The following CUX2 variants were observed in gnomAD, a reference collection of about 807,000 sequenced individuals.
CUX2 encodes cut like homeobox 2, also known as homeobox protein cut-like 2.
Under a neutral mutation model 144.8 loss-of-function variants are expected in CUX2, and 40 were observed. The ratio of observed to expected loss-of-function variants is 0.28; its 90% CI spans 0.21 to 0.36. The LOEUF is 0.36. Among genes scored for constraint, CUX2 ranks in the 10% least tolerant of loss-of-function variants. The pLI, the probability that CUX2 is intolerant of heterozygous loss-of-function variation, is 1.00. For synonymous variants in CUX2, 827 were observed against 875.6 expected (o/e 0.94, Z 0.98); for missense variants, 1,615 against 1,994.0 (o/e 0.81, Z 3.62).
In CUX2 at chr12:111,347,807, C is replaced by T. The variant is rs747954335; in HGVS notation, c.3943C>T (p.Pro1315Ser). ...EDAEEEAGSQ[P>S]QDSGELDKGQ... ...TGCTGAGGAAGAGGCAGGCAGCCAGCCCCAGGACTCAGGGGAGCTGGACAA... is the reference window on the plus strand; with the variant it reads ...TGCTGAGGAAGAGGCAGGCAGCCAGTCCCAGGACTCAGGGGAGCTGGACAA... The change falls in exon 22 of 22, where the codon CCC (proline) becomes TCC (serine). Residue 1315 changes from proline (P) to serine (S), a missense_variant. Transcript: ENST00000261726. 2.5e-6 allele frequency: 4 copies of T among 1,613,914 alleles called. No homozygotes were observed. Among genetic ancestry groups the T allele is most frequent in the African/African-American group, 1.3e-5 (1 of 74,902 alleles).
intron 1 of CUX2, among the ~76,000 whole-genome samples, chr12:111,197,949 C>T (rs1592829484): frequency 6.6e-6 from 1 of 152,324 alleles, no homozygotes; most frequent in South Asian, 2.1e-4. Context: ...TGGTTTCATC[C>T]CTTTCATCTG....
Position 111,298,600 on chromosome 12 carries a change from G to A in CUX2, c.753+11G>A, listed in dbSNP as rs138009341. 4.1e-4 allele frequency: 633 copies of A among 1,562,044 alleles called. 5 individuals are homozygous for A. The African/African-American group carries it at 7.2e-3, about 18-fold the overall frequency. On this transcript the variant is annotated intron_variant, in intron 9 of 21. Coordinates refer to ENST00000261726, the MANE Select transcript of CUX2 (RefSeq NM_015267.4). The stretch of plus-strand genomic sequence containing the variant: ...GAGAAAGCTAATCAGGTGAGGAGGC[G>A]CAGTTCCCACCCGTGGGTGCCAGAG...
chr12:111,251,615 T>C lies in CUX2; in HGVS notation c.223-12146T>C, dbSNP rs563413572. Among the ~76,000 whole-genome samples the C allele has an allele frequency of 2.6e-5, 4 of 152,242 alleles. No individual in the cohort carries two copies. The South Asian group carries it at 8.3e-4, about 32-fold the overall frequency. ...CATAAATGCATTTGGGGGATTGTAT[T>C]ATGTTGGATCAAAAGTGTTCTTAAT... On this transcript the variant is annotated intron_variant, in intron 3 of 21. Coordinates refer to ENST00000261726, the MANE Select transcript of CUX2 (RefSeq NM_015267.4).
chr12:111,217,842 G>A (rs775726019), intron 2 of CUX2, 48 bp from the exon 3 acceptor site: 7 of 1,606,572 alleles, frequency 4.4e-6, no homozygotes, highest in Admixed American at 3.3e-5. Context: ...GGCCACGGGG[G>A]CGTCCCACCT....
intron 1 of CUX2, among the ~76,000 whole-genome samples, chr12:111,087,320 A>G (rs1872284752): frequency 6.9e-6 from 1 of 144,824 alleles, no homozygotes; most frequent in Non-Finnish European, 1.5e-5. Context: ...GTGAGCCAAG[A>G]TCGTGCCAGT....
At position 111,057,967 on chromosome 12, in the gene CUX2, T is replaced by C. The variant is rs1870605282; in HGVS notation, c.63+23727T>C. Reference sequence around the variant, plus strand: ...TTGGCCCCTCAGGCAACAGCACTTTTGAAATCTCTGGATAGTTTTGAACTC... The same window carrying C: ...TTGGCCCCTCAGGCAACAGCACTTTCGAAATCTCTGGATAGTTTTGAACTC... On this transcript the variant is annotated intron_variant, in intron 1 of 21. Coordinates refer to ENST00000261726, the MANE Select transcript of CUX2 (RefSeq NM_015267.4). This position sits in a 1 kb window ranked among gnomAD's most constrained non-coding sequence, Gnocchi z 5.1. 6.6e-6 allele frequency among the ~76,000 whole-genome samples: 1 copy of C among 152,222 alleles called. No individual in the cohort carries two copies. Among genetic ancestry groups the C allele is most frequent in the African/African-American group, 2.4e-5 (1 of 41,464 alleles).
At chr12:111,264,212 C>G (rs773450492) in intron 4 of CUX2, among the ~76,000 whole-genome samples, 1 of 152,194 alleles carries the variant, frequency 6.6e-6, no homozygotes, top group Non-Finnish European at 1.5e-5. Flanking sequence ...GCAAGACCTC[C>G]AGTACCTCCC....
chr12:111,140,868 C>T (rs1213955843), intron 1 of CUX2, among the ~76,000 whole-genome samples: 2 of 152,162 alleles, frequency 1.3e-5, no homozygotes, highest in African/African-American at 4.8e-5. Context: ...GTTTTATTTC[C>T]TTGGCTCAGT....
intron 1 of CUX2, among the ~76,000 whole-genome samples, chr12:111,096,788 G>T (rs1456186472): frequency 6.6e-6 from 1 of 152,110 alleles, no homozygotes; most frequent in African/African-American, 2.4e-5. Context: ...GACCAACCTG[G>T]CCAGCATGAT....
intron 3 of CUX2, among the ~76,000 whole-genome samples, chr12:111,220,395 G>A (rs1469459630): frequency 7.2e-5 from 11 of 152,024 alleles, no homozygotes; most frequent in Non-Finnish European, 2.9e-5. Flanking sequence ...CCTGTAGGAA[G>A]TGGGTATGAC....
rs1336381142 is a variant in CUX2, at chr12:111,160,653, C to T, written c.64-53547C>T. ...CCATGTCCAGGGAGCCAATGGAGGGCTATGCAGAGGAGTGACGCAGTCCAG... is the reference window on the plus strand; with the variant it reads ...CCATGTCCAGGGAGCCAATGGAGGGTTATGCAGAGGAGTGACGCAGTCCAG... On this transcript the variant is annotated intron_variant, in intron 1 of 21. Transcript: ENST00000261726. This position sits in a 1 kb window ranked among gnomAD's most constrained non-coding sequence, Gnocchi z 4.1. 1.3e-5 allele frequency among the ~76,000 whole-genome samples: 2 copies of T among 152,120 alleles called. No individual in the cohort carries two copies. The highest frequency in any genetic ancestry group is 4.8e-5 in the African/African-American group (2 of 41,432).
chr12:111,320,254 G>C lies in CUX2; in HGVS notation c.2245G>C (p.Glu749Gln). ...NGAPALVKQE[E>Q]GSGGPAQAPL... ...GGCCCCGGCCTTGGTGAAGCAGGAG[G>C]AGGGCAGCGGGGGCCCCGCGCAGGC... Residue 749 changes from glutamate to glutamine, a missense_variant, in exon 17 of 22, where the codon GAG (glutamate) becomes CAG (glutamine). Glu to Gln is a conservative substitution (Grantham distance 29, BLOSUM62 2). This residue lies in a region of CUX2 where 390 missense variants were observed against 387.1 expected (regional missense o/e 1.01). Transcript: ENST00000261726. This position sits in a 1 kb window ranked among gnomAD's most constrained non-coding sequence, Gnocchi z 8.1. 6.3e-7 allele frequency: 1 copy of C among 1,587,684 alleles called. No homozygotes were observed.
Position 111,059,385 on chromosome 12 carries a change from G to A in CUX2, c.63+25145G>A, listed in dbSNP as rs562783675. Among the ~76,000 whole-genome samples, 62 of 152,374 alleles carry A rather than the reference G, an allele frequency of 4.1e-4. No individual in the cohort carries two copies. Among genetic ancestry groups the A allele is most frequent in the African/African-American group, 1.4e-3 (58 of 41,594 alleles). ...CGCCCAAATGTTCTTGATAAGGCTAGGTGCCCCTGGCCCCAGCGAGGGGCT... is the reference window on the plus strand; with the variant it reads ...CGCCCAAATGTTCTTGATAAGGCTAAGTGCCCCTGGCCCCAGCGAGGGGCT... On this transcript the variant is annotated intron_variant, in intron 1 of 21. Transcript: ENST00000261726. The surrounding 1 kb of genome is among the most constrained non-coding windows in gnomAD (Gnocchi z 5.3).
chr12:111,113,337 G>A (rs1420885963), intron 1 of CUX2, among the ~76,000 whole-genome samples: 1 of 151,928 alleles, frequency 6.6e-6, no homozygotes, highest in Non-Finnish European at 1.5e-5. Flanking sequence ...TTTTGTTTTT[G>A]TGTATATTCC....
At chr12:111,342,758 A>G (rs1445166406) in intron 21 of CUX2, among the ~76,000 whole-genome samples, 1 of 152,152 alleles carries the variant, frequency 6.6e-6, no homozygotes, top group Admixed American at 6.5e-5. Flanking sequence ...CAGGAGTTCA[A>G]GATCAGCCTG....
intron 19 of CUX2, 109 bp from the exon 20 acceptor site, chr12:111,338,177 A>G: frequency 5.0e-6 from 6 of 1,193,092 alleles, no homozygotes; most frequent in Non-Finnish European, 6.9e-6. Flanking sequence ...GTCAGTGGAG[A>G]TAGCCTCGAG....
At chr12:111,091,520 G>A (rs1017744763) in intron 1 of CUX2, among the ~76,000 whole-genome samples, 51 of 152,296 alleles carry the variant, frequency 3.3e-4, no homozygotes, top group African/African-American at 1.2e-3. Flanking sequence ...GCCCACTTCA[G>A]TTTTTCACCC....
chr12:111,266,136 A>T (rs1316548485), intron 4 of CUX2, among the ~76,000 whole-genome samples: 2 of 152,124 alleles, frequency 1.3e-5, no homozygotes, highest in African/African-American at 4.8e-5. Flanking sequence ...TCAAGATGAG[A>T]TCATCCTGGC....
chr12:111,040,480 T>C (rs892950359), intron 1 of CUX2, among the ~76,000 whole-genome samples: 1 of 151,966 alleles, frequency 6.6e-6, no homozygotes, highest in East Asian at 1.9e-4. Context: ...GGCCTTTGCA[T>C]GTATGCTTTC....
Sources: gnomAD v4.1 joint callset for allele counts (sites outside exome capture counted in the v4.1 genomes callset) on GRCh38, gnomAD v4.1.1 for gene constraint, gnomAD v4.1.1 regional missense constraint, Gnocchi (gnomAD v3.1) non-coding constraint, MANE v1.5 for transcripts, NCBI Gene and HGNC (gene_info 2026-07-23, HGNC 2026-07-21) for gene names.